MKLN1: variants seen among roughly 807,000 people sequenced by gnomAD.
MKLN1 encodes the protein muskelin.
Under a neutral mutation model 99.0 loss-of-function variants are expected in MKLN1, and 18 were observed. The ratio of observed to expected loss-of-function variants is 0.18; its 90% CI spans 0.13 to 0.27. The LOEUF (loss-of-function observed/expected upper bound fraction) is 0.27, where lower values mean the gene tolerates loss of function less well. Ranked by LOEUF, MKLN1 falls within the 10% of genes least tolerant of loss-of-function variation. The pLI, the probability that MKLN1 is intolerant of heterozygous loss-of-function variation, is 1.00. For missense variants in MKLN1, 621 were observed against 875.9 expected, an observed-to-expected ratio of 0.71 and a Z score of 3.67; for synonymous variants, 288 against 293.2, an observed-to-expected ratio of 0.98 and a Z score of 0.18.
At chr7:131,443,308 A>G (rs1242128719) in intron 10 of MKLN1, among the ~76,000 whole-genome samples, 173 bp from the exon 11 acceptor site, 1 of 152,236 alleles carries the variant, frequency 6.6e-6, no homozygotes, top group Admixed American at 6.5e-5. Context: ...AAAAATGACA[A>G]CTTGAAAAAT....
intron 3 of MKLN1, among the ~76,000 whole-genome samples, chr7:131,223,535 T>C (rs1163622521): frequency 6.6e-6 from 1 of 152,178 alleles, no homozygotes; most frequent in Non-Finnish European, 1.5e-5. Context: ...CCAGGCCTCA[T>C]TGCTACACAG....
At chr7:131,435,008 C>T (rs965489185) in intron 9 of MKLN1, among the ~76,000 whole-genome samples, 12 of 152,128 alleles carry the variant, frequency 7.9e-5, no homozygotes, top group East Asian at 1.9e-4. Flanking sequence ...AATTAAATTT[C>T]GTACATGTTA....
chr7:131,376,149 A>ATGTAT, intron 2 of MKLN1, among the ~76,000 whole-genome samples: 1 of 69,084 alleles, frequency 1.4e-5, no homozygotes, highest in Non-Finnish European at 3.3e-5. Context: ...TGATGTATGT[A>ATGTAT]TTTTTTTTTC....
intron 3 of MKLN1, among the ~76,000 whole-genome samples, chr7:131,298,058 T>C (rs1798320202): frequency 6.6e-6 from 1 of 151,002 alleles, no homozygotes; most frequent in South Asian, 2.1e-4. Context: ...CTGAGGCGGA[T>C]GGATCACGAG....
intron 1 of MKLN1, among the ~76,000 whole-genome samples, chr7:131,128,353 G>A (rs1795496072): frequency 1.3e-5 from 2 of 152,144 alleles, no homozygotes; most frequent in South Asian, 4.1e-4. Context: ...AGTAGTGTAA[G>A]CATTTTTTGA....
At chr7:131,171,931 A>G (rs1354210280) in intron 2 of MKLN1, among the ~76,000 whole-genome samples, 1 of 152,152 alleles carries the variant, frequency 6.6e-6, no homozygotes, top group Non-Finnish European at 1.5e-5. Flanking sequence ...TCCAGGGTGT[A>G]TTTTGGGCAA....
rs369629713 is a variant in MKLN1 at position 131,388,165 on chromosome 7, TCAAAAA to T, written c.312-697_312-692del. On this transcript the variant is annotated intron_variant, in intron 3 of 17. Coordinates refer to ENST00000352689, the MANE Select transcript of MKLN1 (RefSeq NM_013255.5). ...TGGGGTGAAACAGTGAGACTCTGTC[TCAAAAA>T]CAAAAACAAAAACAAAAACAATATA... is the stretch of plus-strand genomic sequence containing the variant. Among the ~76,000 whole-genome samples, 351 of 152,254 alleles carry T rather than the reference TCAAAAA, an allele frequency of 2.3e-3. 4 individuals carry two copies. Among genetic ancestry groups the T allele is most frequent in the African/African-American group, 5.8e-3 (239 of 41,554 alleles).
At chr7:131,328,078 C>A (rs878905580) in intron 1 of MKLN1, 81 bp downstream of exon 1, 1 of 1,496,502 alleles carries the variant, frequency 6.7e-7, no homozygotes, top group South Asian at 1.3e-5. Flanking sequence ...GGAGGGCAGC[C>A]GAGCCGAGAG....
intron 2 of MKLN1, among the ~76,000 whole-genome samples, chr7:131,159,320 G>A (rs1796013795): frequency 6.6e-6 from 1 of 151,992 alleles, no homozygotes; most frequent in Non-Finnish European, 1.5e-5. Context: ...CAGATGAATG[G>A]ATAAAGAAAA....
intron 2 of MKLN1, among the ~76,000 whole-genome samples, chr7:131,147,666 G>C (rs949575520): frequency 6.6e-6 from 1 of 152,144 alleles, no homozygotes; most frequent in Admixed American, 6.5e-5. Flanking sequence ...CTTGCCTACA[G>C]TCACATAGCT....
intron 1 of MKLN1, among the ~76,000 whole-genome samples, chr7:131,337,193 A>T (rs994640408): frequency 3.3e-5 from 5 of 152,082 alleles, no homozygotes; most frequent in Admixed American, 2.6e-4. Flanking sequence ...TGATGCACCT[A>T]AGAATGGTTT....
At chr7:131,369,664 T>C (rs2116830167) in intron 1 of MKLN1, among the ~76,000 whole-genome samples, 1 of 152,348 alleles carries the variant, frequency 6.6e-6, no homozygotes, top group East Asian at 1.9e-4. Context: ...TCTCCTGTTT[T>C]TCTTCATGGC....
chr7:131,275,551 ATATATATATATATATATTTTTTTT>A (rs1302453462), intron 3 of MKLN1, among the ~76,000 whole-genome samples: 1 of 15,390 alleles, frequency 6.5e-5, no homozygotes, highest in African/African-American at 2.2e-4. Context: ...ATATATATAT[ATATATATATATATATATTTTTTTT>A]TTTTTTTTTT....
chr7:131,174,960 TA>T (rs1796271321), intron 2 of MKLN1, among the ~76,000 whole-genome samples: 3 of 16,512 alleles, frequency 1.8e-4, no homozygotes, highest in African/African-American at 7.5e-4. Context: ...AGATGATAGA[TA>T]GATAGATAGA....
intron 3 of MKLN1, among the ~76,000 whole-genome samples, chr7:131,233,245 G>A (rs897955227): frequency 5.3e-5 from 8 of 152,002 alleles, no homozygotes; most frequent in Non-Finnish European, 1.5e-5. Context: ...AAGATAGTAT[G>A]TGCCTGTGGT....
intron 8 of MKLN1, among the ~76,000 whole-genome samples, chr7:131,415,356 T>C (rs1794986899): frequency 6.6e-6 from 1 of 152,116 alleles, no homozygotes; most frequent in Non-Finnish European, 1.5e-5. Flanking sequence ...CCAGGCGTAA[T>C]GAATGCTCAA....
chr7:131,209,934 C>A (rs948177613), intron 3 of MKLN1, among the ~76,000 whole-genome samples: 4 of 151,510 alleles, frequency 2.6e-5, no homozygotes, highest in Non-Finnish European at 5.9e-5. Context: ...ACATGAGGTA[C>A]GATAAAGTAG....
chr7:131,440,883 C>T (rs1366377897), intron 10 of MKLN1, among the ~76,000 whole-genome samples: 1 of 151,946 alleles, frequency 6.6e-6, no homozygotes, highest in African/African-American at 2.4e-5. Context: ...AACTCTAAGA[C>T]ATATATTAAT....
At chr7:131,114,720 C>T (rs561686901) in intron 1 of MKLN1, among the ~76,000 whole-genome samples, 75 of 152,062 alleles carry the variant, frequency 4.9e-4, no homozygotes, top group Non-Finnish European at 6.2e-4. Flanking sequence ...CCGAGGTGAG[C>T]GAATCACCTG....
Sources: allele counts gnomAD v4.1 joint callset (sites outside exome capture counted in the v4.1 genomes callset), GRCh38; gene constraint gnomAD v4.1.1; transcripts MANE v1.5; gene names NCBI Gene and HGNC (gene_info 2026-07-23, HGNC 2026-07-21).